Variants in RCAN2 observed in about 807,000 individuals in gnomAD.
RCAN2 encodes the protein regulator of calcineurin 2.
RCAN2 carries 9 observed loss-of-function variants against 23.6 expected under a neutral mutation model. The observed-to-expected ratio is 0.38, with a 90% confidence interval of 0.23 to 0.67. The LOEUF (loss-of-function observed/expected upper bound fraction) is 0.67, where lower values mean the gene tolerates loss of function less well. RCAN2 is among the 30% of genes least tolerant of loss of function. RCAN2 has a pLI of 0.51. For missense variants in RCAN2, 273 were observed against 302.3 expected (o/e 0.90, Z 0.72); for synonymous variants, 109 against 115.7 (o/e 0.94, Z 0.37).
chr6:46,313,596 AT>A (rs1763333965), intron 2 of RCAN2, among the ~76,000 whole-genome samples: 1 of 152,230 alleles, frequency 6.6e-6, no homozygotes, highest in Non-Finnish European at 1.5e-5. Flanking sequence ...GTTGCTTTCC[AT>A]TATACCTTTA....
chr6:46,280,127 A>G (rs529409345), intron 2 of RCAN2, among the ~76,000 whole-genome samples: 72 of 152,276 alleles, frequency 4.7e-4, no homozygotes, highest in African/African-American at 1.5e-3. Flanking sequence ...TTGAAATACC[A>G]AGGACAATTC....
chr6:46,467,168 T>TA (rs1343950890), intron 1 of RCAN2, among the ~76,000 whole-genome samples: 1 of 152,228 alleles, frequency 6.6e-6, no homozygotes, highest in African/African-American at 2.4e-5. Flanking sequence ...AGCTGTGTCT[T>TA]ACCTGCCTGC....
At chr6:46,310,616 C>T (rs1272856349) in intron 2 of RCAN2, among the ~76,000 whole-genome samples, 1 of 151,528 alleles carries the variant, frequency 6.6e-6, no homozygotes, top group Non-Finnish European at 1.5e-5. Flanking sequence ...TTGTTGCTGG[C>T]TTATTTCTCC....
rs540273939 is a variant in RCAN2 at position 46,228,002 on chromosome 6, A to C, written c.572-4701T>G. Among the ~76,000 whole-genome samples the C allele has an allele frequency of 5.2e-4, 79 of 152,332 alleles. 1 individual carries two copies. The highest frequency in any genetic ancestry group is 7.8e-4 in the Non-Finnish European group (53 of 68,034). ...TTTGTTCTCATTGGTTTCAAAGAAC[A>C]TCTTTGTTTCTGCCTTCATTTCCTT... On this transcript the variant is annotated intron_variant, in intron 4 of 4. Transcript: ENST00000371374.
chr6:46,389,266 T>C (rs1765859070), intron 2 of RCAN2, among the ~76,000 whole-genome samples: 1 of 152,236 alleles, frequency 6.6e-6, no homozygotes, highest in Non-Finnish European at 1.5e-5. Flanking sequence ...CTTTGCATTC[T>C]GATGATAGCA....
At chr6:46,238,989 A>G (rs995223069) in intron 4 of RCAN2, among the ~76,000 whole-genome samples, 2 of 152,240 alleles carry the variant, frequency 1.3e-5, no homozygotes, top group African/African-American at 4.8e-5. Context: ...GCTTGCCACA[A>G]ACTGATTTTA....
At chr6:46,369,726 A>C (rs1429396396) in intron 2 of RCAN2, among the ~76,000 whole-genome samples, 1 of 152,252 alleles carries the variant, frequency 6.6e-6, no homozygotes, top group African/African-American at 2.4e-5. Flanking sequence ...AAAGTGATTA[A>C]GTCGCTGAAA....
intron 2 of RCAN2, among the ~76,000 whole-genome samples, chr6:46,431,274 C>T (rs760702806): frequency 3.3e-5 from 5 of 152,078 alleles, no homozygotes; most frequent in African/African-American, 9.7e-5. Context: ...GGCACAATCA[C>T]GGCTCACTGC....
Position 46,221,974 on chromosome 6 carries a change from T to A in RCAN2, c.*1167A>T, listed in dbSNP as rs1765490759. 5.0e-6 allele frequency: 2 copies of A among 398,418 alleles called. No homozygotes were observed. Among genetic ancestry groups the A allele is most frequent in the Non-Finnish European group, 8.8e-6 (2 of 226,022 alleles). 24.7% of individuals were successfully genotyped at this position (398,418 alleles called of 1,614,324 possible). A position where few individuals can be genotyped will look rare whatever the true frequency, so the allele number is the denominator to read the frequency against. ...AGGACCGGCATACATGTAGCTATCA[T>A]CCTTCCCCATTTTAACATGCTCAGC... is the stretch of plus-strand genomic sequence containing the variant. On this transcript the variant is annotated 3_prime_UTR_variant, in exon 5 of 5. Coordinates refer to ENST00000371374, the MANE Select transcript of RCAN2 (RefSeq NM_001251974.2).
intron 2 of RCAN2, chr6:46,438,351 C>T (rs564100294): frequency 6.6e-6 from 1 of 152,396 alleles, no homozygotes; most frequent in East Asian, 1.9e-4. Flanking sequence ...TCAATAGGGC[C>T]ACAAGGTGAC....
intron 2 of RCAN2, among the ~76,000 whole-genome samples, chr6:46,362,591 T>A (rs2150384323): frequency 6.6e-6 from 1 of 152,258 alleles, no homozygotes; most frequent in Non-Finnish European, 1.5e-5. Context: ...ACAAAACTGA[T>A]TCTGTCATGG....
intron 2 of RCAN2, among the ~76,000 whole-genome samples, chr6:46,335,434 T>TA (rs1764110257): frequency 1.3e-5 from 2 of 152,120 alleles, no homozygotes. Context: ...CACTAACAAC[T>TA]AAAAAAGTCC....
At chr6:46,463,189 A>C (rs1768274893) in intron 1 of RCAN2, among the ~76,000 whole-genome samples, 1 of 152,204 alleles carries the variant, frequency 6.6e-6, no homozygotes, top group African/African-American at 2.4e-5. Context: ...CTTTCAAAGG[A>C]AAGTATTCAG....
chr6:46,240,679 A>G (rs1377705300), intron 4 of RCAN2, among the ~76,000 whole-genome samples: 1 of 152,222 alleles, frequency 6.6e-6, no homozygotes, highest in Non-Finnish European at 1.5e-5. Context: ...ACATGCACCA[A>G]AAACATAGGT....
rs1435709644 is a variant in RCAN2 at position 46,442,097 on chromosome 6, T to C, written c.225+14655A>G. Among the ~76,000 whole-genome samples the C allele has an allele frequency of 2.6e-5, 4 of 152,170 alleles. No individual in the cohort carries two copies. The East Asian group carries it at 5.8e-4, about 22-fold the overall frequency. On this transcript the variant is annotated intron_variant, in intron 2 of 4. Transcript: ENST00000371374. ...TCATGCCCACCAAACTGAGACTAGA[T>C]TCAAGGAAGTCAAGACAGGCAGGGT...
chr6:46,236,613 T>C (rs1245421827), intron 4 of RCAN2, among the ~76,000 whole-genome samples: 1 of 152,200 alleles, frequency 6.6e-6, no homozygotes, highest in Non-Finnish European at 1.5e-5. Context: ...TCAATGAATA[T>C]GTGATTGATT....
At chr6:46,465,429 T>C (rs1768348253) in intron 1 of RCAN2, among the ~76,000 whole-genome samples, 1 of 152,144 alleles carries the variant, frequency 6.6e-6, no homozygotes, top group South Asian at 2.1e-4. Context: ...ATTTACAGCA[T>C]GGGCAGGGTA....
intron 2 of RCAN2, among the ~76,000 whole-genome samples, chr6:46,428,702 C>G (rs992933127): frequency 1.3e-5 from 2 of 152,178 alleles, no homozygotes; most frequent in Admixed American, 6.5e-5. Context: ...ACCTTCTCTT[C>G]CCTGTACCTG....
At chr6:46,272,412 CT>C (rs1457668198) in intron 2 of RCAN2, among the ~76,000 whole-genome samples, 1 of 152,142 alleles carries the variant, frequency 6.6e-6, no homozygotes, top group Non-Finnish European at 1.5e-5. Flanking sequence ...AGTTATTGTG[CT>C]TCTTTAAAGA....
Sources: allele counts gnomAD v4.1 joint callset (sites outside exome capture counted in the v4.1 genomes callset), GRCh38; gene constraint gnomAD v4.1.1; transcripts MANE v1.5; gene names NCBI Gene and HGNC (gene_info 2026-07-23, HGNC 2026-07-21).